The following PPP3R1 variants were observed in gnomAD, a reference collection of about 807,000 sequenced individuals.
The protein encoded by PPP3R1 is calcineurin subunit B type 1.
PPP3R1 carries 5 observed loss-of-function variants against 22.6 expected under a neutral mutation model. That is an observed-to-expected ratio of 0.22 (90% CI 0.12 to 0.46). The LOEUF (loss-of-function observed/expected upper bound fraction) is 0.46. Among genes scored for constraint, PPP3R1 ranks in the 20% least tolerant of loss-of-function variants. The pLI is 0.99. For missense variants in PPP3R1, 61 were observed against 203.2 expected (o/e 0.30, Z 4.25); for synonymous variants, 56 against 65.2 (o/e 0.86, Z 0.68).
intron 1 of PPP3R1, among the ~76,000 whole-genome samples, chr2:68,224,022 T>C (rs1669737323): frequency 6.6e-6 from 1 of 152,148 alleles, no homozygotes; most frequent in Non-Finnish European, 1.5e-5. Context: ...AAATTAAGAA[T>C]GCAGTTCCAT....
intron 2 of PPP3R1, among the ~76,000 whole-genome samples, chr2:68,198,684 A>C (rs1674890358): frequency 6.6e-6 from 1 of 152,038 alleles, no homozygotes; most frequent in Non-Finnish European, 1.5e-5. Context: ...TTCCACATGG[A>C]ATTAACCATC....
chr2:68,250,656 G>C (rs1670329946), intron 1 of PPP3R1, among the ~76,000 whole-genome samples: 1 of 152,210 alleles, frequency 6.6e-6, no homozygotes, highest in South Asian at 2.1e-4. Flanking sequence ...GTGACTTTCA[G>C]GTGCCAAAGT....
At chr2:68,196,398 G>A (rs12713635) in intron 2 of PPP3R1, among the ~76,000 whole-genome samples, 113,313 of 152,080 alleles carry the variant, frequency 0.75, 43,271 homozygotes, top group African/African-American at 0.93. Flanking sequence ...TGTACCAAGT[G>A]GAAGTTTAAT....
chr2:68,232,214 T>TATAAA (rs1558641399), intron 1 of PPP3R1, among the ~76,000 whole-genome samples: 2 of 61,086 alleles, frequency 3.3e-5, no homozygotes, highest in Non-Finnish European at 5.6e-5. Context: ...ACATATTGTA[T>TATAAA]ATGTATATAT....
intron 1 of PPP3R1, among the ~76,000 whole-genome samples, chr2:68,229,973 T>TACACACATACACACACAC (rs1669859670): frequency 2.8e-5 from 4 of 143,142 alleles, no homozygotes; most frequent in African/African-American, 5.3e-5. Context: ...TATACACACA[T>TACACACATACACACACAC]ACACACACAC....
At chr2:68,187,921 A>G (rs1423233994) in intron 3 of PPP3R1, among the ~76,000 whole-genome samples, 1 of 151,860 alleles carries the variant, frequency 6.6e-6, no homozygotes, top group East Asian at 1.9e-4. Flanking sequence ...TAATCCCAGC[A>G]TTTTGGGAGG....
chr2:68,252,244 G>C lies in PPP3R1; in HGVS notation c.-117C>G. On this transcript the variant is annotated 5_prime_UTR_variant, in exon 1 of 6. Coordinates refer to ENST00000234310, the MANE Select transcript of PPP3R1 (RefSeq NM_000945.4). The stretch of plus-strand genomic sequence containing the variant: ...CTGCGGCCCTCGGGTCGCCGGCGGG[G>C]AGGGGGCGCGCGTGGGGGAGGGGAG... The C allele has an allele frequency of 1.8e-6, 2 of 1,095,754 alleles. No individual in the cohort carries two copies. The highest frequency in any genetic ancestry group is 2.2e-6 in the Non-Finnish European group (2 of 897,822). 67.9% of individuals were successfully genotyped at this position (1,095,754 alleles called of 1,614,324 possible). A position where few individuals can be genotyped will look rare whatever the true frequency, so the allele number is the denominator to read the frequency against.
intron 2 of PPP3R1, among the ~76,000 whole-genome samples, chr2:68,197,908 T>C (rs1272954894): frequency 6.6e-6 from 1 of 151,640 alleles, no homozygotes; most frequent in Non-Finnish European, 1.5e-5. Flanking sequence ...TCTCCTGTTT[T>C]CTTCTAGATG....
intron 1 of PPP3R1, among the ~76,000 whole-genome samples, chr2:68,228,204 C>T (rs576555356): frequency 2.2e-4 from 34 of 152,214 alleles, no homozygotes; most frequent in African/African-American, 8.2e-4. Flanking sequence ...GACTAAGTTT[C>T]AAATAGTGAA....
At chr2:68,221,103 A>G (rs4671884) in intron 1 of PPP3R1, among the ~76,000 whole-genome samples, 113,329 of 152,068 alleles carry the variant, frequency 0.75, 43,263 homozygotes, top group African/African-American at 0.93. Flanking sequence ...AGGCCGAGGC[A>G]GGCAGATCAC....
intron 2 of PPP3R1, among the ~76,000 whole-genome samples, chr2:68,198,223 T>C (rs181964080): frequency 7.3e-5 from 9 of 122,656 alleles, no homozygotes; most frequent in Non-Finnish European, 1.4e-4. Context: ...TATATACATT[T>C]TACATATATG....
intron 1 of PPP3R1, among the ~76,000 whole-genome samples, chr2:68,241,774 G>A (rs1044058414): frequency 6.6e-6 from 1 of 151,504 alleles, no homozygotes; most frequent in African/African-American, 2.4e-5. Flanking sequence ...AACATGGAAG[G>A]TGGAGGTTGC....
chr2:68,197,511 G>A (rs930332167), intron 2 of PPP3R1, among the ~76,000 whole-genome samples: 1 of 152,206 alleles, frequency 6.6e-6, no homozygotes, highest in East Asian at 1.9e-4. Context: ...GAATTGCTGG[G>A]TCACAGGGTT....
At chr2:68,235,047 C>T (rs1010893192) in intron 1 of PPP3R1, among the ~76,000 whole-genome samples, 4 of 152,070 alleles carry the variant, frequency 2.6e-5, no homozygotes, top group African/African-American at 9.7e-5. Context: ...GAGACAAGTA[C>T]TTAAATTTTG....
chr2:68,205,222 T>C (rs1430045125), intron 2 of PPP3R1, among the ~76,000 whole-genome samples: 1 of 151,578 alleles, frequency 6.6e-6, no homozygotes, highest in East Asian at 1.9e-4. Context: ...TATCATTTCC[T>C]TGTAAGTAAT....
chr2:68,216,035 T>C (rs1372171956), intron 2 of PPP3R1, among the ~76,000 whole-genome samples: 4 of 152,130 alleles, frequency 2.6e-5, no homozygotes, highest in Admixed American at 2.0e-4. Flanking sequence ...CAAATAAAAC[T>C]AAAATTTATA....
At chr2:68,251,106 A>G (rs1326382501) in intron 1 of PPP3R1, 1 of 152,208 alleles carries the variant, frequency 6.6e-6, no homozygotes, top group Non-Finnish European at 1.5e-5. Flanking sequence ...AACTTTCTCT[A>G]CTGTGTATAC....
intron 2 of PPP3R1, among the ~76,000 whole-genome samples, chr2:68,207,972 A>G (rs946402481): frequency 2.0e-5 from 3 of 152,178 alleles, no homozygotes; most frequent in Admixed American, 1.3e-4. Context: ...CCTTGCCAAC[A>G]TGGTGAAACC....
chr2:68,212,397 T>C (rs2103764426), intron 2 of PPP3R1, among the ~76,000 whole-genome samples: 1 of 152,288 alleles, frequency 6.6e-6, no homozygotes, highest in Non-Finnish European at 1.5e-5. Context: ...AGAACGTCTT[T>C]AATGTACTTT....
Sources: gnomAD v4.1 joint callset for allele counts (sites outside exome capture counted in the v4.1 genomes callset) on GRCh38, gnomAD v4.1.1 for gene constraint, MANE v1.5 for transcripts, NCBI Gene and HGNC (gene_info 2026-07-23, HGNC 2026-07-21) for gene names.